Variants in KAZN observed in about 807,000 individuals in gnomAD.
KAZN encodes kazrin, periplakin interacting protein.
A neutral mutation model predicts 87.4 loss-of-function variants in KAZN; 40 were observed. That is an observed-to-expected ratio of 0.46 (90% CI 0.36 to 0.60). The LOEUF (loss-of-function observed/expected upper bound fraction) is 0.60, where lower values mean the gene tolerates loss of function less well. Ranked by LOEUF, KAZN falls within the 20% of genes least tolerant of loss-of-function variation. KAZN has a pLI of 0.00. For synonymous variants in KAZN, 466 were observed against 458.3 expected (o/e 1.02, Z -0.22); for missense variants, 898 against 1,073.9 (o/e 0.84, Z 2.29).
At chr1:14,827,429 C>G (rs1362367627) in intron 1 of KAZN, among the ~76,000 whole-genome samples, 1 of 152,150 alleles carries the variant, frequency 6.6e-6, no homozygotes, top group East Asian at 1.9e-4. Context: ...TGCCCTGAGT[C>G]CCCAAAGTCC....
chr1:14,474,417 A>G (rs981050861), intron 2 of KAZN, among the ~76,000 whole-genome samples: 2 of 152,224 alleles, frequency 1.3e-5, no homozygotes, highest in Admixed American at 6.5e-5. Flanking sequence ...TGAGTTCTAC[A>G]TAATGAGAAA....
intron 1 of KAZN, among the ~76,000 whole-genome samples, chr1:14,909,588 C>T (rs755672203): frequency 6.6e-6 from 1 of 152,166 alleles, no homozygotes; most frequent in Non-Finnish European, 1.5e-5. Flanking sequence ...AAAGCCAGGG[C>T]CAAATAACAC....
At position 13,983,144 on chromosome 1, in the gene KAZN, AG is replaced by A. The variant is rs1264550540; in HGVS notation, c.91+89389del. On this transcript the variant is annotated intron_variant, in intron 1 of 16. Transcript: ENST00000636203. ...GGGGCTGCAGGTGGAGCTGCCTGGC[AG>A]TCCCGCGCCCTGCGCCTGCACTCCT... Among the ~76,000 whole-genome samples the A allele has an allele frequency of 3.9e-5, 6 of 152,372 alleles. No individual in the cohort carries two copies. The East Asian group carries it at 9.7e-4, about 25-fold the overall frequency.
intron 2 of KAZN, among the ~76,000 whole-genome samples, chr1:14,221,056 G>A (rs1487116167): frequency 1.3e-5 from 2 of 152,064 alleles, no homozygotes; most frequent in Admixed American, 6.6e-5. Flanking sequence ...CTGCCCCCAA[G>A]GAGTTCACTG....
chr1:14,664,907 A>C (rs530175536), intron 1 of KAZN, among the ~76,000 whole-genome samples: 1 of 152,168 alleles, frequency 6.6e-6, no homozygotes, highest in Non-Finnish European at 1.5e-5. Flanking sequence ...TGCCTGCCTC[A>C]GCCTCCCAAA....
At chr1:15,029,240 G>A (rs1413449248) in intron 2 of KAZN, among the ~76,000 whole-genome samples, 1 of 152,194 alleles carries the variant, frequency 6.6e-6, no homozygotes, top group Non-Finnish European at 1.5e-5. Context: ...ATAGGTGTGA[G>A]TTTGTCTCCT....
chr1:13,917,771 T>A lies in KAZN; in HGVS notation c.91+24015T>A, dbSNP rs1187225879. On this transcript the variant is annotated intron_variant, in intron 1 of 16. Coordinates refer to the KAZN transcript ENST00000636203. ...GTGTTTACACGACAGCACTCCAGCC[T>A]GGTGACAGAGAAAGACCTGTGTCAT... 1.1e-4 allele frequency among the ~76,000 whole-genome samples: 15 copies of A among 131,704 alleles called. No homozygotes were observed. The Admixed American group carries it at 1.3e-3, about 11-fold the overall frequency. The allele number at this position is 131,704 out of a possible 152,430, so 86.4% of individuals were successfully genotyped here. A position where few individuals can be genotyped will look rare whatever the true frequency, so the allele number is the denominator to read the frequency against.
At chr1:14,660,277 A>T (rs960022759) in intron 1 of KAZN, among the ~76,000 whole-genome samples, 1 of 152,138 alleles carries the variant, frequency 6.6e-6, no homozygotes, top group African/African-American at 2.4e-5. Context: ...CAATAAGACG[A>T]ATAATAACAT....
intron 1 of KAZN, among the ~76,000 whole-genome samples, chr1:14,709,567 C>T (rs913653864): frequency 2.0e-5 from 3 of 152,116 alleles, no homozygotes; most frequent in South Asian, 2.1e-4. Context: ...GCCAAGCAGA[C>T]GGTCCACCTA....
chr1:14,736,465 ATTTTT>A (rs756285598), intron 1 of KAZN, among the ~76,000 whole-genome samples: 1 of 108,042 alleles, frequency 9.3e-6, no homozygotes, highest in Admixed American at 9.8e-5. Flanking sequence ...CACCCAGCTA[ATTTTT>A]TTTTTTTTTT....
chr1:14,820,577 C>G lies in KAZN; in HGVS notation c.227-140107C>G, dbSNP rs1419821301. On this transcript the variant is annotated intron_variant, in intron 1 of 14. Coordinates refer to ENST00000376030, the MANE Select transcript of KAZN (RefSeq NM_201628.3). This position sits in a 1 kb window ranked among gnomAD's most constrained non-coding sequence, Gnocchi z 4.1. ...ATGGAATGTCACGTGGGGTTTTCCA[C>G]TCTCGCCCACAGTGAGTTGGCAATG... Among the ~76,000 whole-genome samples the G allele has an allele frequency of 1.3e-5, 2 of 152,260 alleles. No homozygotes were observed. The highest frequency in any genetic ancestry group is 1.3e-4 in the Admixed American group (2 of 15,288).
intron 2 of KAZN, among the ~76,000 whole-genome samples, chr1:14,221,316 CTAAG>C (rs1468639433): frequency 6.6e-6 from 1 of 152,052 alleles, no homozygotes; most frequent in Non-Finnish European, 1.5e-5. Context: ...TTAGAATACA[CTAAG>C]AAACCAACAG....
chr1:14,355,455 C>G (rs1658940864), intron 2 of KAZN, among the ~76,000 whole-genome samples: 1 of 151,328 alleles, frequency 6.6e-6, no homozygotes, highest in African/African-American at 2.4e-5. Flanking sequence ...ACTTTAAGTT[C>G]TGAGATACAT....
At chr1:15,044,468 G>T (rs528684952) in intron 4 of KAZN, among the ~76,000 whole-genome samples, 6 of 152,170 alleles carry the variant, frequency 3.9e-5, no homozygotes, top group Admixed American at 1.3e-4. Context: ...GGAAAAAAAG[G>T]CCTAGTGCAG....
intron 1 of KAZN, among the ~76,000 whole-genome samples, chr1:14,770,485 G>A (rs1375174605): frequency 6.6e-6 from 1 of 152,156 alleles, no homozygotes; most frequent in Non-Finnish European, 1.5e-5. Flanking sequence ...GAAACTGTAA[G>A]GAGGTGATAC....
At position 14,046,562 on chromosome 1, in the gene KAZN, G is replaced by T. The variant is rs147339727; in HGVS notation, c.92-133873G>T. On this transcript the variant is annotated intron_variant, in intron 1 of 16. Coordinates refer to the KAZN transcript ENST00000636203. ...AACAGGTCATTTTTCCTCCCGCATAGAACTTGCTTGCAGAGATCATTGGAG... is the reference window on the plus strand; with the variant it reads ...AACAGGTCATTTTTCCTCCCGCATATAACTTGCTTGCAGAGATCATTGGAG... Among the ~76,000 whole-genome samples the T allele has an allele frequency of 4.0e-3, 612 of 152,270 alleles. 4 individuals are homozygous for T. The highest frequency in any genetic ancestry group is 6.8e-3 in the Middle Eastern group (2 of 294).
chr1:14,342,948 T>G (rs1412101630), intron 2 of KAZN, among the ~76,000 whole-genome samples: 2 of 152,076 alleles, frequency 1.3e-5, no homozygotes, highest in African/African-American at 4.8e-5. Flanking sequence ...TGAGACCAGC[T>G]TGGCCAACAT....
intron 2 of KAZN, among the ~76,000 whole-genome samples, chr1:14,969,858 G>A (rs903896520): frequency 6.6e-6 from 1 of 152,110 alleles, no homozygotes; most frequent in Non-Finnish European, 1.5e-5. Flanking sequence ...CTGTCGCCCA[G>A]GCTGGAGTGC....
At chr1:14,203,863 A>C (rs924733248) in intron 2 of KAZN, among the ~76,000 whole-genome samples, 2 of 152,194 alleles carry the variant, frequency 1.3e-5, no homozygotes, top group African/African-American at 2.4e-5. Context: ...TAGCAACAGG[A>C]GCAAACGTGG....
Sources: allele counts gnomAD v4.1 joint callset (sites outside exome capture counted in the v4.1 genomes callset), GRCh38; gene constraint gnomAD v4.1.1; non-coding constraint Gnocchi (gnomAD v3.1); transcripts MANE v1.5; gene names NCBI Gene and HGNC (gene_info 2026-07-23, HGNC 2026-07-21).